The following PRRC2B variants were observed in gnomAD, a reference collection of about 807,000 sequenced individuals.
PRRC2B encodes the protein protein PRRC2B.
In PRRC2B, 68 loss-of-function variants were observed where a neutral mutation model predicts 242.3. That is an observed-to-expected ratio of 0.28 (90% CI 0.23 to 0.34). PRRC2B has a LOEUF of 0.34. PRRC2B is among the 10% of genes least tolerant of loss of function. The pLI is 1.00. For missense variants in PRRC2B, 2,835 were observed against 2,954.8 expected (o/e 0.96, Z 0.94); for synonymous variants, 1,228 against 1,173.6 (o/e 1.05, Z -0.95).
At chr9:131,376,046 CAA>C (rs56400904) in intron 1 of PRRC2B, among the ~76,000 whole-genome samples, 25,334 of 71,884 alleles carry the variant, frequency 0.35, 2,530 homozygotes, top group Middle Eastern at 0.45. Flanking sequence ...GAGACTGTCT[CAA>C]AAAAAAAAAA....
chr9:131,415,297 A>G (rs1837618472), intron 1 of PRRC2B, among the ~76,000 whole-genome samples: 1 of 152,240 alleles, frequency 6.6e-6, no homozygotes, highest in African/African-American at 2.4e-5. Flanking sequence ...CAACTATCTT[A>G]ATAAGAACGT....
At chr9:131,492,139 T>C (rs1944213285) in intron 29 of PRRC2B, 30 bp from the exon 30 acceptor site, 1 of 1,575,360 alleles carries the variant, frequency 6.3e-7, no homozygotes, top group African/African-American at 1.3e-5. Flanking sequence ...GGGCCTCAAA[T>C]GACAGCTTGT....
At chr9:131,441,504 AACATAGCAAG>A (rs1838571846) in intron 5 of PRRC2B, among the ~76,000 whole-genome samples, 1 of 152,178 alleles carries the variant, frequency 6.6e-6, no homozygotes. Flanking sequence ...CAGCCTGAAA[AACATAGCAAG>A]ACCCTTTCTC....
Position 131,484,798 on chromosome 9 carries a change from C to T in PRRC2B, c.5565+8C>T, listed in dbSNP as rs1943972039. 1.9e-6 allele frequency: 3 copies of T among 1,598,070 alleles called. No individual in the cohort carries two copies. Among genetic ancestry groups the T allele is most frequent in the Non-Finnish European group, 2.6e-6 (3 of 1,170,326 alleles). ...GCCGACCTTACTCTGAAGGTAACAC[C>T]AGCCCTGAGCTGGGTGAGGGCCCAC... On this transcript the variant is annotated splice_region_variant and intron_variant, in intron 24 of 31. Transcript: ENST00000683519.
At chr9:131,427,014 A>C (rs1837993952) in intron 1 of PRRC2B, among the ~76,000 whole-genome samples, 1 of 152,240 alleles carries the variant, frequency 6.6e-6, no homozygotes, top group Non-Finnish European at 1.5e-5. Flanking sequence ...ATTTCCTTGA[A>C]GAAGGGCACA....
rs1340090773 is a variant in PRRC2B, at chr9:131,463,933, TA to T, written c.1405-829del. Among the ~76,000 whole-genome samples, 90 of 149,104 alleles carry T rather than the reference TA, an allele frequency of 6.0e-4. No homozygotes were observed. In the Middle Eastern group the frequency reaches 0.014, roughly 24 times the overall value. Reference sequence around the variant, plus strand: ...CAGGCATGAGCTACCGTGCCTTTGCTAGACATGCTTTTTTTTTTTTTTCCCC... The same window carrying T: ...CAGGCATGAGCTACCGTGCCTTTGCTGACATGCTTTTTTTTTTTTTTCCCC... On this transcript the variant is annotated intron_variant, in intron 11 of 31. Coordinates refer to ENST00000683519, the MANE Select transcript of PRRC2B (RefSeq NM_013318.4).
intron 11 of PRRC2B, among the ~76,000 whole-genome samples, chr9:131,462,836 T>TAAAAAAAAAA (rs553444971): frequency 1.1e-4 from 9 of 81,936 alleles, no homozygotes; most frequent in Admixed American, 1.1e-3. Flanking sequence ...AGACTCCGTC[T>TAAAAAAAAAA]AAAAAAAAAA....
In PRRC2B at chr9:131,475,361, G is replaced by A; in HGVS notation, c.3232G>A (p.Gly1078Ser). 6.3e-7 allele frequency: 1 copy of A among 1,585,726 alleles called. No individual in the cohort carries two copies. The change falls in exon 16 of 32, where the codon GGT becomes AGT. Residue 1078 changes from glycine (G) to serine (S), a missense_variant. Physicochemically the swap from Gly to Ser is moderately conservative, Grantham distance 56 (BLOSUM62 0). Transcript: ENST00000683519. ...GRGFREFTFR[G>S]RPAGGNGSGL... The stretch of plus-strand genomic sequence containing the variant: ...TGGTTTCAGAGAGTTCACTTTTCGT[G>A]GTCGGCCTGCTGGCGGAAATGGGAG...
At position 131,478,623 on chromosome 9, in the gene PRRC2B, AG is replaced by A; in HGVS notation, c.4758+8del. On this transcript the variant is annotated splice_donor_5th_base_variant and intron_variant, in intron 18 of 31. Transcript: ENST00000683519. ...AAAGAAGGAGCAGGCCGTGCAGGTG[AG>A]GGGCGGAGGGTGGGGGGGCATGGGG... 4.0e-6 allele frequency: 1 copy of A among 250,430 alleles called. No homozygotes were observed. The highest frequency in any genetic ancestry group is 6.3e-6 in the Non-Finnish European group (1 of 158,828). 15.5% of individuals were successfully genotyped at this position (250,430 alleles called of 1,614,324 possible). A position where few individuals can be genotyped will look rare whatever the true frequency, so the allele number is the denominator to read the frequency against.
At chr9:131,433,000 T>C (rs543497553) in intron 3 of PRRC2B, among the ~76,000 whole-genome samples, 47 of 152,366 alleles carry the variant, frequency 3.1e-4, no homozygotes, top group African/African-American at 9.9e-4. Flanking sequence ...GCCTTCATTT[T>C]TTCTGGCTTT....
intron 25 of PRRC2B, 80 bp from the exon 26 acceptor site, chr9:131,486,005 G>C: frequency 1.0e-6 from 1 of 986,674 alleles, no homozygotes; most frequent in Non-Finnish European, 1.6e-6. Context: ...GAGCAGACCT[G>C]TAGACTGTTT....
rs1554763594 is a variant in PRRC2B at position 131,463,642 on chromosome 9, T to TTC, written c.1405-1120_1405-1119insCT. On this transcript the variant is annotated intron_variant, in intron 11 of 31. Coordinates refer to ENST00000683519, the MANE Select transcript of PRRC2B (RefSeq NM_013318.4). ...TTTTAGGCATGCTTTTTTTTTTTTTTTTTTCTTAATGGGATCTAGCCTTGT... is the reference window on the plus strand; with the variant it reads ...TTTTAGGCATGCTTTTTTTTTTTTTTTCTTTTCTTAATGGGATCTAGCCTTGT... Among the ~76,000 whole-genome samples the TTC allele has an allele frequency of 4.7e-5, 7 of 150,302 alleles. 1 individual carries two copies. The highest frequency in any genetic ancestry group is 2.7e-4 in the Admixed American group (4 of 15,060).
intron 5 of PRRC2B, among the ~76,000 whole-genome samples, chr9:131,441,979 GA>G (rs1838597788): frequency 2.4e-4 from 2 of 8,504 alleles, no homozygotes; most frequent in South Asian, 0.17. Context: ...TTTGGTGTGA[GA>G]TTTTTTTTTT....
upstream of PRRC2B, among the ~76,000 whole-genome samples, chr9:131,392,366 G>T (rs1836913699): frequency 6.6e-6 from 1 of 152,128 alleles, no homozygotes; most frequent in Non-Finnish European, 1.5e-5. Flanking sequence ...CAAAGTGGTG[G>T]GATTACAGGT....
intron 1 of PRRC2B, among the ~76,000 whole-genome samples, chr9:131,418,530 G>A (rs541863306): frequency 7.9e-5 from 12 of 152,300 alleles, no homozygotes; most frequent in Non-Finnish European, 1.6e-4. Flanking sequence ...TTTCTCCTGG[G>A]CTGAAGGAAG....
At position 131,485,006 on chromosome 9, in the gene PRRC2B, C is replaced by T; in HGVS notation, c.5624C>T (p.Pro1875Leu). 6.2e-7 allele frequency: 1 copy of T among 1,613,362 alleles called. No homozygotes were observed. Among genetic ancestry groups the T allele is most frequent in the Non-Finnish European group, 8.5e-7 (1 of 1,179,650 alleles). ...CCCAGTTTGCCGGAGCAGAGCTCTC[C>T]AGGCGGCGCTGGCTCAGGCATCCAG... The part of the protein sequence containing the change: ...NSPSLPEQSS[P>L]GGAGSGIQPP... Residue 1875 changes from proline (P) to leucine (L), a missense_variant, in exon 25 of 32, where the codon CCA becomes CTA. This residue lies in a region of PRRC2B where 574 missense variants were observed against 626.0 expected (regional missense o/e 0.92). Coordinates refer to ENST00000683519, the MANE Select transcript of PRRC2B (RefSeq NM_013318.4).
intron 6 of PRRC2B, among the ~76,000 whole-genome samples, chr9:131,444,893 C>T (rs996833720): frequency 6.6e-6 from 1 of 152,096 alleles, no homozygotes; most frequent in East Asian, 1.9e-4. Flanking sequence ...CCTTGGAAGC[C>T]GAGGGTGGCT....
chr9:131,475,430 T>TGCA lies in PRRC2B; in HGVS notation c.3306_3308dup (p.Ser1103dup). The TGCA allele has an allele frequency of 6.3e-7, 1 of 1,580,738 alleles. No individual in the cohort carries two copies. Among genetic ancestry groups the TGCA allele is most frequent in the East Asian group, 2.2e-5 (1 of 44,536 alleles). On this transcript the variant is annotated inframe_insertion, in exon 16 of 32. Coordinates refer to ENST00000683519, the MANE Select transcript of PRRC2B (RefSeq NM_013318.4). ...GGTCCTGGGGGCCCGCAGCATCTAC[T>TGCA]GCAGCAGTCAGCGCAGCGGCCGTGG...
intron 19 of PRRC2B, among the ~76,000 whole-genome samples, chr9:131,480,869 C>G (rs1401502261): frequency 1.3e-5 from 2 of 152,104 alleles, no homozygotes; most frequent in Non-Finnish European, 2.9e-5. Flanking sequence ...TTCAAAGACT[C>G]TGTAGAAGCC....
Sources: gnomAD v4.1 joint callset for allele counts (sites outside exome capture counted in the v4.1 genomes callset) on GRCh38, gnomAD v4.1.1 for gene constraint, gnomAD v4.1.1 regional missense constraint, MANE v1.5 for transcripts, NCBI Gene and HGNC (gene_info 2026-07-23, HGNC 2026-07-21) for gene names.